The following GPR107 variants were observed in gnomAD, a reference collection of about 807,000 sequenced individuals.
The protein encoded by GPR107 is protein GPR107.
Under a neutral mutation model 75.5 loss-of-function variants are expected in GPR107, and 31 were observed. That is an observed-to-expected ratio of 0.41 (90% confidence interval 0.31 to 0.55). GPR107 has a LOEUF of 0.55. GPR107 is among the 20% of genes least tolerant of loss of function. The pLI is 0.26. For missense variants in GPR107, 572 were observed against 665.7 expected (o/e 0.86, Z 1.55); for synonymous variants, 267 against 251.3 (o/e 1.06, Z -0.59).
intron 1 of GPR107, among the ~76,000 whole-genome samples, chr9:130,073,067 A>G (rs1830250613): frequency 6.6e-6 from 1 of 152,166 alleles, no homozygotes; most frequent in Non-Finnish European, 1.5e-5. Flanking sequence ...AGTCCCAGGA[A>G]AGCCCCTTTC....
At chr9:130,087,132 G>A (rs139915173) in intron 7 of GPR107, among the ~76,000 whole-genome samples, 2,825 of 151,902 alleles carry the variant, frequency 0.019, 91 homozygotes, top group African/African-American at 0.065. Context: ...CAACCTCCTA[G>A]GCTCAAGTGA....
intron 1 of GPR107, among the ~76,000 whole-genome samples, chr9:130,062,660 G>GCCTGCCTGCCTTCCTT (rs1300037621): frequency 2.0e-3 from 140 of 69,112 alleles, no homozygotes; most frequent in South Asian, 0.016. Flanking sequence ...CTGCCTGCCT[G>GCCTGCCTGCCTTCCTT]CCTTCCTTCC....
intron 14 of GPR107, chr9:130,114,465 C>T (rs1354760874): frequency 3.6e-6 from 1 of 276,788 alleles, no homozygotes; most frequent in Non-Finnish European, 7.3e-6. Flanking sequence ...TCATTGTAAC[C>T]TCAAACTCCT....
chr9:130,110,841 C>T lies in GPR107; in HGVS notation c.1306+3302C>T, dbSNP rs867799459. Among the ~76,000 whole-genome samples the T allele has an allele frequency of 1.2e-4, 19 of 152,268 alleles. No individual in the cohort carries two copies. The South Asian group carries it at 3.9e-3, about 32-fold the overall frequency. On this transcript the variant is annotated intron_variant, in intron 14 of 17. Coordinates refer to ENST00000347136, the MANE Select transcript of GPR107 (RefSeq NM_020960.5). ...GCCCCATTGGCCCTCTGTGCCCCCT[C>T]AGTTCACTCCTGAGATCTGGAGGCA...
At chr9:130,084,420 AT>A (rs1830567647) in intron 6 of GPR107, among the ~76,000 whole-genome samples, 1 of 140,376 alleles carries the variant, frequency 7.1e-6, no homozygotes, top group South Asian at 2.2e-4. Flanking sequence ...AAAAAAAAAA[AT>A]CTACAGGGAA....
rs373329734 is a variant in GPR107 at position 130,081,658 on chromosome 9, T to C, written c.526+1889T>C. ...ACTGCACTCCAGCCTGGCGACAGAG[T>C]GAGACTCTGTCTCAAAAAAAAAAAA... On this transcript the variant is annotated intron_variant, in intron 5 of 17. Coordinates refer to ENST00000347136, the MANE Select transcript of GPR107 (RefSeq NM_020960.5). Among the ~76,000 whole-genome samples the C allele has an allele frequency of 1.5e-4, 21 of 136,392 alleles. 1 individual carries two copies. The East Asian group carries it at 3.2e-3, about 21-fold the overall frequency. 89.5% of individuals were successfully genotyped at this position (136,392 alleles called of 152,430 possible).
chr9:130,126,472 A>G (rs1487717403), intron 15 of GPR107, among the ~76,000 whole-genome samples: 1 of 150,578 alleles, frequency 6.6e-6, no homozygotes, highest in African/African-American at 2.4e-5. Context: ...CAGCCTCCCG[A>G]GTAGCTGGGA....
At chr9:130,054,898 A>C (rs1254464542) in intron 1 of GPR107, among the ~76,000 whole-genome samples, 2 of 152,064 alleles carry the variant, frequency 1.3e-5, no homozygotes, top group Non-Finnish European at 2.9e-5. Context: ...TCAACGTGCT[A>C]AGGACCCCCT....
chr9:130,108,130 T>A (rs1464225835), intron 14 of GPR107, among the ~76,000 whole-genome samples: 1 of 152,238 alleles, frequency 6.6e-6, no homozygotes, highest in Non-Finnish European at 1.5e-5. Context: ...TGGGCTTATT[T>A]GAATAATGTT....
chr9:130,099,596 A>G lies in GPR107; in HGVS notation c.939+64A>G, dbSNP rs1351392353. ...GTATAATGCCTGTGTGAGCAGGCAA[A>G]AGAAATTTGAAGAAAGGGGATAGAT... is the stretch of plus-strand genomic sequence containing the variant. On this transcript the variant is annotated intron_variant, in intron 10 of 17. Transcript: ENST00000347136. 2.5e-5 allele frequency: 21 copies of G among 850,292 alleles called. No homozygotes were observed. The East Asian group carries it at 4.9e-4, about 20-fold the overall frequency. The allele number at this position is 850,292 out of a possible 1,614,324, so 52.7% of individuals were successfully genotyped here. A position where few individuals can be genotyped will look rare whatever the true frequency, so the allele number is the denominator to read the frequency against.
intron 4 of GPR107, 22 bp downstream of exon 4, chr9:130,077,400 T>G (rs1830375792): frequency 8.6e-7 from 1 of 1,157,392 alleles, no homozygotes; most frequent in Non-Finnish European, 1.3e-6. Flanking sequence ...TAAAGTTCCT[T>G]CAGTTCAGTC....
intron 15 of GPR107, among the ~76,000 whole-genome samples, chr9:130,125,876 C>A: frequency 6.6e-6 from 1 of 151,772 alleles, no homozygotes; most frequent in African/African-American, 2.4e-5. Context: ...GGTGAAACCC[C>A]ATCTCTACTA....
chr9:130,102,176 G>GCAGTGGCATA (rs1554895249), intron 12 of GPR107, among the ~76,000 whole-genome samples: 1 of 152,042 alleles, frequency 6.6e-6, no homozygotes, highest in Non-Finnish European at 1.5e-5. Flanking sequence ...ATGTGACAGA[G>GCAGTGGCATA]GCAGTAAATA....
chr9:130,126,342 C>CTTTT (rs1209736605), intron 15 of GPR107, among the ~76,000 whole-genome samples: 17 of 121,848 alleles, frequency 1.4e-4, no homozygotes, highest in African/African-American at 3.0e-4. Context: ...GTTTCCAAGT[C>CTTTT]TTTTTTTTTT....
At chr9:130,055,385 C>T (rs1829742547) in intron 1 of GPR107, among the ~76,000 whole-genome samples, 1 of 151,752 alleles carries the variant, frequency 6.6e-6, no homozygotes, top group Non-Finnish European at 1.5e-5. Context: ...AGGAGAATGG[C>T]GTGAACCTGG....
intron 7 of GPR107, among the ~76,000 whole-genome samples, chr9:130,090,286 A>G (rs974969991): frequency 1.3e-5 from 2 of 152,234 alleles, no homozygotes; most frequent in African/African-American, 4.8e-5. Flanking sequence ...GAAAAACAGA[A>G]AACTGTCTAA....
At chr9:130,120,127 C>T (rs1831515657) in intron 14 of GPR107, among the ~76,000 whole-genome samples, 1 of 152,236 alleles carries the variant, frequency 6.6e-6, no homozygotes. Flanking sequence ...ACTGTGAGCT[C>T]TGCTTATTCT....
chr9:130,056,908 G>C (rs1160504610), intron 1 of GPR107, among the ~76,000 whole-genome samples: 2 of 108,718 alleles, frequency 1.8e-5, no homozygotes, highest in African/African-American at 7.7e-5. Flanking sequence ...CTGGGTGACA[G>C]AGCGAGACTC....
chr9:130,086,708 A>G (rs537563182), intron 7 of GPR107, among the ~76,000 whole-genome samples: 1 of 152,266 alleles, frequency 6.6e-6, no homozygotes, highest in African/African-American at 2.4e-5. Context: ...TATCTAGTGT[A>G]GGTGACACGG....
Sources: allele counts gnomAD v4.1 joint callset (sites outside exome capture counted in the v4.1 genomes callset), GRCh38; gene constraint gnomAD v4.1.1; transcripts MANE v1.5; gene names NCBI Gene and HGNC (gene_info 2026-07-23, HGNC 2026-07-21).